The following RBM6 variants were observed in gnomAD, a reference collection of about 807,000 sequenced individuals.
RBM6 encodes RNA-binding protein 6.
Under a neutral mutation model 140.4 loss-of-function variants are expected in RBM6, and 23 were observed. The observed-to-expected ratio is 0.16, with a 90% confidence interval of 0.12 to 0.23. The LOEUF (loss-of-function observed/expected upper bound fraction) is 0.23. Ranked by LOEUF, RBM6 falls within the 10% of genes least tolerant of loss-of-function variation. The pLI, the probability that RBM6 is intolerant of heterozygous loss-of-function variation, is 1.00. For missense variants in RBM6, 1,139 were observed against 1,386.7 expected, an observed-to-expected ratio of 0.82 and a Z score of 2.84; for synonymous variants, 439 against 475.6, an observed-to-expected ratio of 0.92 and a Z score of 1.00.
chr3:50,049,929 C>T (rs2089398349), intron 7 of RBM6, among the ~76,000 whole-genome samples: 2 of 151,570 alleles, frequency 1.3e-5, no homozygotes, highest in Non-Finnish European at 2.9e-5. Context: ...CTCAAGTCAT[C>T]CTCTCACCTC....
chr3:50,068,844 C>A, intron 18 of RBM6, 80 bp downstream of exon 18: 1 of 1,270,216 alleles, frequency 7.9e-7, no homozygotes, highest in Non-Finnish European at 1.1e-6. Context: ...TGTGCTGATC[C>A]CTCCTTATAA....
chr3:50,060,695 A>G (rs2089902561), intron 11 of RBM6: 1 of 239,084 alleles, frequency 4.2e-6, no homozygotes, highest in Non-Finnish European at 7.5e-6. Context: ...CGGAGCTTGC[A>G]GTGAGCTGAG....
At chr3:50,038,763 G>A (rs1389152612) in intron 6 of RBM6, among the ~76,000 whole-genome samples, 1 of 152,138 alleles carries the variant, frequency 6.6e-6, no homozygotes, top group Non-Finnish European at 1.5e-5. Context: ...AACCCAGGAG[G>A]AAGAGCTTGC....
chr3:49,967,426 A>G lies in RBM6; in HGVS notation c.45-44A>G. 1 of 1,537,994 alleles carries G rather than the reference A, an allele frequency of 6.5e-7. No homozygotes were observed. The highest frequency in any genetic ancestry group is 8.8e-7 in the Non-Finnish European group (1 of 1,139,856). ...AAGAATATGCTGGTGTGTAGATTTC[A>G]AACTCTCTGGACAATATGAATAACA... On this transcript the variant is annotated intron_variant, in intron 2 of 20. Coordinates refer to ENST00000266022, the MANE Select transcript of RBM6 (RefSeq NM_005777.3). The surrounding 1 kb of genome is among the most constrained non-coding windows in gnomAD (Gnocchi z 4.0).
intron 6 of RBM6, among the ~76,000 whole-genome samples, chr3:50,001,692 G>A (rs2086335056): frequency 6.6e-6 from 1 of 152,114 alleles, no homozygotes; most frequent in Non-Finnish European, 1.5e-5. Flanking sequence ...ACTGCTACAT[G>A]CCAATTTTGG....
At chr3:50,039,915 T>C (rs574525609) in intron 6 of RBM6, among the ~76,000 whole-genome samples, 1 of 152,296 alleles carries the variant, frequency 6.6e-6, no homozygotes, top group East Asian at 1.9e-4. Flanking sequence ...CAAATACAAA[T>C]GTAATGGAAC....
intron 1 of RBM6, among the ~76,000 whole-genome samples, chr3:49,954,049 T>C (rs1295892097): frequency 6.6e-6 from 1 of 151,462 alleles, no homozygotes; most frequent in Non-Finnish European, 1.5e-5. Flanking sequence ...GGTGGGAGGA[T>C]GGCTGGAGCC....
intron 5 of RBM6, 55 bp downstream of exon 5, chr3:49,975,447 T>C (rs1227900376): frequency 7.1e-7 from 1 of 1,402,124 alleles, no homozygotes; most frequent in Non-Finnish European, 1.0e-6. Flanking sequence ...TTGTCAGATC[T>C]CTGCATCATG....
At chr3:50,028,720 T>C (rs1034227454) in intron 6 of RBM6, among the ~76,000 whole-genome samples, 10 of 152,356 alleles carry the variant, frequency 6.6e-5, no homozygotes, top group African/African-American at 2.4e-4. Flanking sequence ...ACTATTTCTT[T>C]TCTTTACTGC....
intron 5 of RBM6, among the ~76,000 whole-genome samples, chr3:49,979,730 T>C (rs2085219055): frequency 6.6e-6 from 1 of 152,010 alleles, no homozygotes; most frequent in Admixed American, 6.6e-5. Context: ...AGTGAGCCAC[T>C]GTGCCCAGCC....
At chr3:49,941,098 C>T (rs1479608283) in intron 1 of RBM6, 3 of 152,046 alleles carry the variant, frequency 2.0e-5, no homozygotes, top group East Asian at 1.9e-4. Context: ...TAGTTTCCAC[C>T]TTCCTATTGA....
intron 1 of RBM6, among the ~76,000 whole-genome samples, chr3:49,961,994 A>G (rs1248637407): frequency 6.6e-6 from 1 of 151,452 alleles, no homozygotes; most frequent in Non-Finnish European, 1.5e-5. Flanking sequence ...CGTCTCTACT[A>G]AAATACAAAA....
At position 49,968,592 on chromosome 3, in the gene RBM6, C is replaced by A. The variant is rs374615252; in HGVS notation, c.1167C>A (p.Gly389=). 8 of 1,613,936 alleles carry A rather than the reference C, an allele frequency of 5.0e-6. No homozygotes were observed. Among genetic ancestry groups the A allele is most frequent in the African/African-American group, 2.7e-5 (2 of 74,900 alleles). ...SSDAGLFKEE[G]GLDFLGRQDT... ...ATGCTGGTCTGTTTAAAGAAGAAGGCGGTCTGGACTTTCTTGGGCGGCAAG... is the reference window on the plus strand; with the variant it reads ...ATGCTGGTCTGTTTAAAGAAGAAGGAGGTCTGGACTTTCTTGGGCGGCAAG... The change falls in exon 3 of 21, where the codon GGC becomes GGA. Residue 389 remains glycine (G), a synonymous_variant. Coordinates refer to ENST00000266022, the MANE Select transcript of RBM6 (RefSeq NM_005777.3).
At chr3:50,015,431 ATTTTTT>A (rs1203865246) in intron 6 of RBM6, among the ~76,000 whole-genome samples, 11 of 145,770 alleles carry the variant, frequency 7.5e-5, no homozygotes, top group Non-Finnish European at 1.1e-4. Context: ...TATTATTATT[ATTTTTT>A]TTTTTTTTTT....
At chr3:49,990,340 A>G (rs1311704255) in intron 5 of RBM6, among the ~76,000 whole-genome samples, 1 of 152,204 alleles carries the variant, frequency 6.6e-6, no homozygotes, top group African/African-American at 2.4e-5. Flanking sequence ...TTGAGACACA[A>G]CGGCATTTGT....
intron 5 of RBM6, among the ~76,000 whole-genome samples, chr3:49,980,894 T>G (rs1244251395): frequency 6.6e-6 from 1 of 151,900 alleles, no homozygotes. Context: ...CAAAACTGAT[T>G]TATTTTATTT....
intron 7 of RBM6, among the ~76,000 whole-genome samples, chr3:50,049,447 G>A (rs937605262): frequency 2.6e-5 from 4 of 152,074 alleles, no homozygotes; most frequent in African/African-American, 9.7e-5. Context: ...ATTGCAGTGA[G>A]CATGAAAATA....
chr3:49,971,957 A>G, intron 3 of RBM6, 102 bp from the exon 4 acceptor site: 3 of 820,024 alleles, frequency 3.7e-6, no homozygotes, highest in African/African-American at 3.4e-5. Context: ...TTCACGTGAC[A>G]TGTCATTATC....
chr3:50,074,668 C>T (rs2090405660), intron 19 of RBM6, among the ~76,000 whole-genome samples: 1 of 152,184 alleles, frequency 6.6e-6, no homozygotes, highest in African/African-American at 2.4e-5. Flanking sequence ...CTATAAGCAT[C>T]TCTTGACATA....
Sources: allele counts gnomAD v4.1 joint callset (sites outside exome capture counted in the v4.1 genomes callset), GRCh38; gene constraint gnomAD v4.1.1; non-coding constraint Gnocchi (gnomAD v3.1); transcripts MANE v1.5; gene names NCBI Gene and HGNC (gene_info 2026-07-23, HGNC 2026-07-21).